The following ANKRD31 variants were observed in gnomAD, a reference collection of about 807,000 sequenced individuals.
ANKRD31 encodes ankyrin repeat domain-containing protein 31.
In ANKRD31, 147 loss-of-function variants were observed where a neutral mutation model predicts 186.0. The observed-to-expected ratio is 0.79, with a 90% confidence interval of 0.69 to 0.91. The LOEUF is 0.91. ANKRD31 is among the 40% of genes least tolerant of loss of function. The probability of loss-of-function intolerance (pLI) is 0.00; values close to 1 mark genes in which losing one functional copy is unlikely to be tolerated. For missense variants in ANKRD31, 1,986 were observed against 2,148.8 expected (o/e 0.92, Z 1.50); for synonymous variants, 673 against 736.4 (o/e 0.91, Z 1.39).
rs1471067759 is a variant in ANKRD31 at position 75,195,987 on chromosome 5, C to T, written c.661G>A (p.Val221Met). The change falls in exon 7 of 26, where the codon GTG becomes ATG. Residue 221 changes from valine (V) to methionine (M), a missense_variant. Transcript: ENST00000506364. ...GTAAGTAAACTTTCTAAGGCAGACA[C>T]AAAGGTTTCAAGAGAGCTTTCTTCA... ...KDEESSLETFVSALESLLTSP... is the reference protein window; with the variant it reads ...KDEESSLETFMSALESLLTSP... The T allele has an allele frequency of 3.9e-6, 6 of 1,531,600 alleles. No homozygotes were observed. The highest frequency in any genetic ancestry group is 5.2e-6 in the Non-Finnish European group (6 of 1,144,614). The allele number at this position is 1,531,600 out of a possible 1,614,324, so 94.9% of individuals were successfully genotyped here.
At chr5:75,155,801 T>C (rs999882756) in intron 11 of ANKRD31, among the ~76,000 whole-genome samples, 1 of 152,184 alleles carries the variant, frequency 6.6e-6, no homozygotes, top group Non-Finnish European at 1.5e-5. Flanking sequence ...AGTTTGAATC[T>C]TTCTCTCTTA....
At chr5:75,100,220 T>C (rs1037540392) in intron 22 of ANKRD31, among the ~76,000 whole-genome samples, 2 of 152,208 alleles carry the variant, frequency 1.3e-5, no homozygotes, top group African/African-American at 2.4e-5. Flanking sequence ...AGTTTCCATG[T>C]ATTTGAGCGG....
intron 12 of ANKRD31, among the ~76,000 whole-genome samples, chr5:75,149,952 T>C (rs181459787): frequency 2.6e-5 from 4 of 152,034 alleles, no homozygotes; most frequent in Non-Finnish European, 2.9e-5. Flanking sequence ...CTCTGAGTTT[T>C]AAGACTTTAC....
chr5:75,099,463 A>G (rs908168721), intron 22 of ANKRD31, among the ~76,000 whole-genome samples: 3 of 152,092 alleles, frequency 2.0e-5, no homozygotes, highest in Non-Finnish European at 4.4e-5. Flanking sequence ...GTTAGGGAGG[A>G]TTCTCTCTTT....
intron 19 of ANKRD31, 60 bp downstream of exon 19, chr5:75,116,506 G>T: frequency 3.8e-6 from 4 of 1,052,216 alleles, no homozygotes; most frequent in Non-Finnish European, 5.0e-6. Flanking sequence ...TAACTAACTG[G>T]CTGGCTCAAA....
At chr5:75,200,719 C>T (rs915278862) in intron 5 of ANKRD31, among the ~76,000 whole-genome samples, 1 of 151,214 alleles carries the variant, frequency 6.6e-6, no homozygotes, top group Non-Finnish European at 1.5e-5. Flanking sequence ...TTGAGACCAG[C>T]CTGGCCAACA....
Position 75,112,447 on chromosome 5 carries a change from A to G in ANKRD31, c.4243+66T>C. The stretch of plus-strand genomic sequence containing the variant: ...AGCCTTTGTGAGCTTTGAAATAAAT[A>G]TGTACCTTAAGAAGATGACCTTGGG... On this transcript the variant is annotated intron_variant, in intron 20 of 25. Coordinates refer to ENST00000506364, the MANE Select transcript of ANKRD31 (RefSeq NM_001372053.1). The G allele has an allele frequency of 2.8e-6, 3 of 1,083,562 alleles. No homozygotes were observed. The South Asian group carries it at 4.9e-5, about 18-fold the overall frequency. 67.1% of individuals were successfully genotyped at this position (1,083,562 alleles called of 1,614,324 possible).
chr5:75,075,028 A>G (rs1396776098), intron 25 of ANKRD31, among the ~76,000 whole-genome samples: 2 of 152,244 alleles, frequency 1.3e-5, no homozygotes, highest in African/African-American at 4.8e-5. Flanking sequence ...AAATCACAAC[A>G]TATATGCAGT....
intron 10 of ANKRD31, among the ~76,000 whole-genome samples, chr5:75,186,840 G>C (rs1174665048): frequency 6.6e-6 from 1 of 152,064 alleles, no homozygotes; most frequent in East Asian, 1.9e-4. Flanking sequence ...AGGGCAGTGG[G>C]CCTTTTTTTA....
intron 13 of ANKRD31, 102 bp from the exon 14 acceptor site, chr5:75,147,607 T>C (rs752236981): frequency 3.3e-6 from 3 of 900,414 alleles, no homozygotes; most frequent in Non-Finnish European, 4.7e-6. Context: ...ATTCAAACTA[T>C]TATTTTCTAA....
chr5:75,183,498 G>C (rs1206923035), intron 10 of ANKRD31, among the ~76,000 whole-genome samples: 4 of 151,996 alleles, frequency 2.6e-5, no homozygotes, highest in Admixed American at 2.6e-4. Context: ...TGGATGATAT[G>C]GTCTTATATA....
At chr5:75,108,759 T>C (rs1433426348) in intron 20 of ANKRD31, among the ~76,000 whole-genome samples, 2 of 152,172 alleles carry the variant, frequency 1.3e-5, no homozygotes, top group Non-Finnish European at 2.9e-5. Flanking sequence ...ACATGATGCA[T>C]ATGCTAACAA....
chr5:75,157,342 T>C (rs1370457466), intron 11 of ANKRD31, among the ~76,000 whole-genome samples: 1 of 152,188 alleles, frequency 6.6e-6, no homozygotes, highest in Non-Finnish European at 1.5e-5. Context: ...CTTAGAGGTT[T>C]GGCTGAGGTG....
rs1748288886 is a variant in ANKRD31 at position 75,116,552 on chromosome 5, T to C, written c.4155+14A>G. ...TTCTAAGATGAAGAACAAAGTAATT[T>C]TAACTTCACTCACCACAGAAAGGCT... is the stretch of plus-strand genomic sequence containing the variant. On this transcript the variant is annotated intron_variant, in intron 19 of 25. Transcript: ENST00000506364. 2 of 1,343,296 alleles carry C rather than the reference T, an allele frequency of 1.5e-6. No homozygotes were observed. The highest frequency in any genetic ancestry group is 2.9e-5 in the African/African-American group (2 of 67,932). 83.2% of individuals were successfully genotyped at this position (1,343,296 alleles called of 1,614,324 possible). A position where few individuals can be genotyped will look rare whatever the true frequency, so the allele number is the denominator to read the frequency against.
intron 17 of ANKRD31, among the ~76,000 whole-genome samples, chr5:75,126,674 C>T (rs536980611): frequency 1.4e-4 from 22 of 152,168 alleles, no homozygotes; most frequent in Non-Finnish European, 1.0e-4. Context: ...AATTGTTTTT[C>T]CAAGTGTACC....
At chr5:75,095,468 C>T (rs1024964651) in intron 22 of ANKRD31, among the ~76,000 whole-genome samples, 2 of 117,306 alleles carry the variant, frequency 1.7e-5, no homozygotes, top group South Asian at 3.0e-4. Context: ...AGCGAGACTC[C>T]GTCTCAAAAA....
chr5:75,107,497 C>CTT, intron 21 of ANKRD31, 24 bp downstream of exon 21: 1 of 1,403,752 alleles, frequency 7.1e-7, no homozygotes, highest in Non-Finnish European at 9.5e-7. Flanking sequence ...CAAAAGCACT[C>CTT]TTTTTTTTTC....
At chr5:75,069,208 G>T (rs993595135) in intron 25 of ANKRD31, among the ~76,000 whole-genome samples, 2 of 152,024 alleles carry the variant, frequency 1.3e-5, no homozygotes, top group African/African-American at 4.8e-5. Flanking sequence ...GTTCCTTTTG[G>T]CTCTGCCAGT....
At chr5:75,115,939 G>A (rs1748203421) in intron 19 of ANKRD31, among the ~76,000 whole-genome samples, 1 of 151,996 alleles carries the variant, frequency 6.6e-6, no homozygotes, top group East Asian at 1.9e-4. Context: ...AAATCATGCT[G>A]CTATAAAGAC....
Sources: gnomAD v4.1 joint callset for allele counts (sites outside exome capture counted in the v4.1 genomes callset) on GRCh38, gnomAD v4.1.1 for gene constraint, MANE v1.5 for transcripts, NCBI Gene and HGNC (gene_info 2026-07-23, HGNC 2026-07-21) for gene names.